Variants in PCBP3 observed in about 807,000 individuals in gnomAD.
PCBP3 encodes the protein poly(rC)-binding protein 3.
PCBP3 carries 25 observed loss-of-function variants against 52.7 expected under a neutral mutation model. The observed-to-expected ratio is 0.47, with a 90% CI of 0.35 to 0.66. The LOEUF is 0.66. Ranked by LOEUF, PCBP3 falls within the 30% of genes least tolerant of loss-of-function variation. PCBP3 has a pLI of 0.01. For synonymous variants in PCBP3, 162 were observed against 183.0 expected (o/e 0.89, Z 0.93); for missense variants, 391 against 490.3 (o/e 0.80, Z 1.91).
rs558384664 is a variant in PCBP3, at chr21:45,690,867, T to A, written c.-200+21915T>A. Among the ~76,000 whole-genome samples the A allele has an allele frequency of 2.0e-5, 3 of 152,204 alleles. No individual in the cohort carries two copies. The East Asian group carries it at 5.8e-4, about 29-fold the overall frequency. On this transcript the variant is annotated intron_variant, in intron 2 of 17. Coordinates refer to ENST00000681687, the MANE Select transcript of PCBP3 (RefSeq NM_001384156.1). Reference sequence around the variant, plus strand: ...GCTAAAATGTAATGAAAATAAGTAGTGATACAAATAGTGGTAAACTGGATC... The same window carrying A: ...GCTAAAATGTAATGAAAATAAGTAGAGATACAAATAGTGGTAAACTGGATC...
At chr21:45,771,613 C>T (rs1445504869) in intron 4 of PCBP3, among the ~76,000 whole-genome samples, 1 of 152,124 alleles carries the variant, frequency 6.6e-6, no homozygotes, top group Non-Finnish European at 1.5e-5. Flanking sequence ...AGGAATCTTC[C>T]TCAGATGCAT....
intron 1 of PCBP3, among the ~76,000 whole-genome samples, chr21:45,645,289 C>A (rs1042355632): frequency 3.3e-5 from 5 of 151,814 alleles, no homozygotes; most frequent in African/African-American, 1.2e-4. Flanking sequence ...AGTGCAAGTT[C>A]ATTACGAATG....
At chr21:45,790,010 T>G (rs908493938) in intron 4 of PCBP3, among the ~76,000 whole-genome samples, 2 of 151,964 alleles carry the variant, frequency 1.3e-5, no homozygotes, top group Non-Finnish European at 2.9e-5. Context: ...TGTGGTGGCG[T>G]GCGCCTGTAA....
intron 4 of PCBP3, among the ~76,000 whole-genome samples, chr21:45,831,609 A>T (rs2093451854): frequency 6.6e-6 from 1 of 152,174 alleles, no homozygotes; most frequent in Non-Finnish European, 1.5e-5. Flanking sequence ...TGCACTGGTC[A>T]TGTTACTGGA....
rs915386389 is a variant in PCBP3 at position 45,656,954 on chromosome 21, T to G, written c.-278-11920T>G. Among the ~76,000 whole-genome samples, 6 of 152,142 alleles carry G rather than the reference T, an allele frequency of 3.9e-5. No homozygotes were observed. Among genetic ancestry groups the G allele is most frequent in the African/African-American group, 1.2e-4 (5 of 41,416 alleles). On this transcript the variant is annotated intron_variant, in intron 1 of 17. Transcript: ENST00000681687. The surrounding 1 kb of genome is among the most constrained non-coding windows in gnomAD (Gnocchi z 4.3). ...CTCCTGCCTCAGCCTCCCGAGTAGC[T>G]GGGACTACAGGTGCCCGCCACTGCG...
At chr21:45,779,544 A>T (rs1255075219) in intron 4 of PCBP3, among the ~76,000 whole-genome samples, 1 of 152,286 alleles carries the variant, frequency 6.6e-6, no homozygotes, top group African/African-American at 2.4e-5. Context: ...TGGTTCTTCA[A>T]AGTGGAGGAG....
chr21:45,940,110 C>G lies in PCBP3; in HGVS notation c.990C>G (p.Ala330=), dbSNP rs752844577. 1.9e-6 allele frequency: 3 copies of G among 1,614,058 alleles called. No homozygotes were observed. The East Asian group carries it at 6.7e-5, about 36-fold the overall frequency. ...TGTCTGGAGCTCAGATCAAAATCGC[C>G]AACGCCACGGAAGGGTCCTCAGAGC... ...RQMSGAQIKI[A]NATEGSSERQ... is the part of the protein sequence containing the mutation. Residue 330 remains alanine (A), a synonymous_variant, in exon 17 of 18, where the codon GCC becomes GCG. Coordinates refer to ENST00000681687, the MANE Select transcript of PCBP3 (RefSeq NM_001384156.1).
intron 13 of PCBP3, among the ~76,000 whole-genome samples, chr21:45,925,061 GATC>G (rs1277109355): frequency 1.2e-4 from 11 of 94,210 alleles, no homozygotes; most frequent in African/African-American, 5.2e-4. Context: ...GCACACGTAA[GATC>G]GGGTGTGCGT....
Position 45,735,181 on chromosome 21 carries a change from T to C in PCBP3, c.-199-211T>C, listed in dbSNP as rs1326991972. ...TATCAGTGTCGTGTATGTTCCAGACTCAGTTTAGAATTGAATCACTTTTTA... is the reference window on the plus strand; with the variant it reads ...TATCAGTGTCGTGTATGTTCCAGACCCAGTTTAGAATTGAATCACTTTTTA... On this transcript the variant is annotated intron_variant, in intron 2 of 17. Coordinates refer to ENST00000681687, the MANE Select transcript of PCBP3 (RefSeq NM_001384156.1). The surrounding 1 kb of genome is among the most constrained non-coding windows in gnomAD (Gnocchi z 4.0). Among the ~76,000 whole-genome samples, 1 of 152,212 alleles carries C rather than the reference T, an allele frequency of 6.6e-6. No homozygotes were observed. The highest frequency in any genetic ancestry group is 1.5e-5 in the Non-Finnish European group (1 of 68,032).
rs578203325 is a variant in PCBP3 at position 45,851,617 on chromosome 21, GGATA to G, written c.10+1544_10+1547del. On this transcript the variant is annotated intron_variant, in intron 5 of 17. Transcript: ENST00000681687. ...TAAATAAAAATAAATATAGATGGATGGATAGATAGATAGATAGATAGATAGGTAA... is the reference window on the plus strand; with the variant it reads ...TAAATAAAAATAAATATAGATGGATGGATAGATAGATAGATAGATAGGTAA... Among the ~76,000 whole-genome samples the G allele has an allele frequency of 5.0e-3, 736 of 148,366 alleles. 4 individuals are homozygous for G. Among genetic ancestry groups the G allele is most frequent in the South Asian group, 0.018 (80 of 4,474 alleles).
intron 4 of PCBP3, among the ~76,000 whole-genome samples, chr21:45,783,268 ATGAAGTGC>A (rs2090782953): frequency 6.6e-6 from 1 of 152,062 alleles, no homozygotes. Context: ...CTCCTCTTTC[ATGAAGTGC>A]TTTTCTTGGT....
At chr21:45,865,031 C>T (rs1020474913) in intron 5 of PCBP3, among the ~76,000 whole-genome samples, 1 of 152,228 alleles carries the variant, frequency 6.6e-6, no homozygotes, top group Non-Finnish European at 1.5e-5. Context: ...AGGACTGTTT[C>T]TTACCCACTG....
intron 1 of PCBP3, among the ~76,000 whole-genome samples, chr21:45,663,476 C>T (rs1603191941): frequency 6.6e-6 from 1 of 152,194 alleles, no homozygotes; most frequent in East Asian, 1.9e-4. Flanking sequence ...GGGGCTGGTC[C>T]CTACATCTTT....
intron 2 of PCBP3, among the ~76,000 whole-genome samples, chr21:45,723,170 G>A (rs906788429): frequency 1.3e-5 from 2 of 152,144 alleles, no homozygotes; most frequent in African/African-American, 2.4e-5. Flanking sequence ...CAGAGAGCTG[G>A]CATGTGTTTG....
intron 5 of PCBP3, among the ~76,000 whole-genome samples, chr21:45,885,130 A>G (rs1434635127): frequency 6.6e-6 from 1 of 152,078 alleles, no homozygotes. Context: ...CCTTCATCCC[A>G]TAATGTCTTT....
At chr21:45,818,902 C>T (rs1435263811) in intron 4 of PCBP3, among the ~76,000 whole-genome samples, 3 of 152,206 alleles carry the variant, frequency 2.0e-5, no homozygotes, top group Non-Finnish European at 4.4e-5. Flanking sequence ...TGAAAGAGGC[C>T]AGCCTGAAAA....
At chr21:45,787,782 C>T (rs1280544332) in intron 4 of PCBP3, among the ~76,000 whole-genome samples, 1 of 152,212 alleles carries the variant, frequency 6.6e-6, no homozygotes, top group Non-Finnish European at 1.5e-5. Flanking sequence ...GGGTCTGTAG[C>T]ATGCCAGGCA....
At chr21:45,886,807 C>G (rs2095535798) in intron 5 of PCBP3, among the ~76,000 whole-genome samples, 1 of 152,218 alleles carries the variant, frequency 6.6e-6, no homozygotes, top group Non-Finnish European at 1.5e-5. Flanking sequence ...CAAGGACTCA[C>G]CACCTGTGGA....
chr21:45,911,320 C>A (rs2096387824), intron 11 of PCBP3: 7 of 440,148 alleles, frequency 1.6e-5, no homozygotes, highest in Non-Finnish European at 3.0e-5. Context: ...AAGTTGTCAT[C>A]CCACTGAGGG....
Sources: gnomAD v4.1 joint callset for allele counts (sites outside exome capture counted in the v4.1 genomes callset) on GRCh38, gnomAD v4.1.1 for gene constraint, Gnocchi (gnomAD v3.1) non-coding constraint, MANE v1.5 for transcripts, NCBI Gene and HGNC (gene_info 2026-07-23, HGNC 2026-07-21) for gene names.